XRN2: variants seen among roughly 807,000 people sequenced by gnomAD.
XRN2 encodes the protein 5'-3' exoribonuclease 2, also known as DHM1-like protein.
Under a neutral mutation model 138.5 loss-of-function variants are expected in XRN2, and 44 were observed. The ratio of observed to expected loss-of-function variants is 0.32; its 90% CI spans 0.25 to 0.41. The LOEUF (loss-of-function observed/expected upper bound fraction) is 0.41, where lower values mean the gene tolerates loss of function less well. Ranked by LOEUF, XRN2 falls within the 10% of genes least tolerant of loss-of-function variation. The probability of loss-of-function intolerance (pLI) is 1.00; values close to 1 mark genes in which losing one functional copy is unlikely to be tolerated. For missense variants in XRN2, 937 were observed against 1,169.3 expected, an observed-to-expected ratio of 0.80 and a Z score of 2.90; for synonymous variants, 354 against 369.4, an observed-to-expected ratio of 0.96 and a Z score of 0.48.
intron 29 of XRN2, among the ~76,000 whole-genome samples, chr20:21,388,406 A>C (rs555959278): frequency 5.3e-5 from 8 of 152,334 alleles, no homozygotes; most frequent in South Asian, 2.1e-4. Flanking sequence ...CTTCTTTCTC[A>C]GTCCCTTTGC....
rs1461381028 is a variant in XRN2 at position 21,345,749 on chromosome 20, TTGTG to T, written c.1530-658_1530-655del. Reference sequence around the variant, plus strand: ...AGATTTTACCATAACATACATATGTTTGTGTGTGTGTATGTATACATAGATATAT... The same window carrying T: ...AGATTTTACCATAACATACATATGTTTGTGTGTATGTATACATAGATATAT... On this transcript the variant is annotated intron_variant, in intron 16 of 29. Transcript: ENST00000377191. Among the ~76,000 whole-genome samples the T allele has an allele frequency of 3.3e-5, 5 of 152,088 alleles. No homozygotes were observed. The East Asian group carries it at 7.7e-4, about 23-fold the overall frequency.
intron 1 of XRN2, among the ~76,000 whole-genome samples, chr20:21,324,208 C>T (rs2038089224): frequency 6.6e-6 from 1 of 151,990 alleles, no homozygotes; most frequent in South Asian, 2.1e-4. Context: ...CCTGATCAAG[C>T]CTTTTTTTCT....
intron 26 of XRN2, among the ~76,000 whole-genome samples, chr20:21,368,067 A>G (rs2122317195): frequency 6.6e-6 from 1 of 152,356 alleles, no homozygotes; most frequent in East Asian, 1.9e-4. Context: ...AAGATGAAGA[A>G]AAGATACAGG....
chr20:21,352,851 A>T (rs1005735821), intron 20 of XRN2, among the ~76,000 whole-genome samples: 1 of 152,126 alleles, frequency 6.6e-6, no homozygotes, highest in Non-Finnish European at 1.5e-5. Context: ...TATTACCAGT[A>T]CTTGGGCTCC....
intron 20 of XRN2, among the ~76,000 whole-genome samples, chr20:21,351,445 A>G (rs1360128919): frequency 5.3e-5 from 8 of 152,082 alleles, no homozygotes; most frequent in Admixed American, 5.2e-4. Context: ...AATTGGGTTG[A>G]TTTTGTTGTT....
At chr20:21,329,897 GTA>G (rs2038180979) in intron 4 of XRN2, among the ~76,000 whole-genome samples, 1 of 132,944 alleles carries the variant, frequency 7.5e-6, no homozygotes, top group Non-Finnish European at 1.6e-5. Context: ...GTGTGTGTGT[GTA>G]TTCTCTTACA....
At chr20:21,336,015 A>G (rs1320650915) in intron 13 of XRN2, among the ~76,000 whole-genome samples, 1 of 152,190 alleles carries the variant, frequency 6.6e-6, no homozygotes, top group Non-Finnish European at 1.5e-5. Context: ...TGTCCCTGGC[A>G]TTTGACAGAT....
chr20:21,346,308 C>A, intron 16 of XRN2, 107 bp from the exon 17 acceptor site: 1 of 1,413,246 alleles, frequency 7.1e-7, no homozygotes, highest in Non-Finnish European at 9.7e-7. Context: ...AACTCTTTCA[C>A]ATTTCCCCTG....
chr20:21,308,976 A>T (rs2037841209), intron 1 of XRN2, among the ~76,000 whole-genome samples: 1 of 152,206 alleles, frequency 6.6e-6, no homozygotes, highest in Non-Finnish European at 1.5e-5. Context: ...ATGGTGAATT[A>T]TCGGTCTTTA....
chr20:21,355,240 A>C (rs1419282269), intron 21 of XRN2, among the ~76,000 whole-genome samples: 1 of 152,142 alleles, frequency 6.6e-6, no homozygotes, highest in Admixed American at 6.5e-5. Context: ...CTTTCTCCCC[A>C]GTAATAACTA....
At position 21,354,821 on chromosome 20, in the gene XRN2, A is replaced by C; in HGVS notation, c.1969A>C (p.Arg657=). ...TCTCTTGCCATTCGTGGATGAGCGA[A>C]GGCTACGAGCTGCCCTAGAAGAGGT... is the stretch of plus-strand genomic sequence containing the variant. ...VALLPFVDER[R]LRAALEEVYP... The change falls in exon 21 of 30, where the codon AGG becomes CGG. Residue 657 remains arginine, a synonymous_variant. Coordinates refer to ENST00000377191, the MANE Select transcript of XRN2 (RefSeq NM_012255.5). The C allele has an allele frequency of 1.2e-6, 2 of 1,614,062 alleles. No individual in the cohort carries two copies. Among genetic ancestry groups the C allele is most frequent in the Non-Finnish European group, 1.7e-6 (2 of 1,179,974 alleles).
At chr20:21,375,808 GTTT>G (rs2038813789) in intron 27 of XRN2, among the ~76,000 whole-genome samples, 1 of 147,636 alleles carries the variant, frequency 6.8e-6, no homozygotes, top group South Asian at 2.1e-4. Flanking sequence ...AATACCAGGT[GTTT>G]TTATTTATTT....
At chr20:21,340,561 G>A (rs1433098235) in intron 14 of XRN2, among the ~76,000 whole-genome samples, 160 bp from the exon 15 acceptor site, 1 of 152,208 alleles carries the variant, frequency 6.6e-6, no homozygotes, top group African/African-American at 2.4e-5. Context: ...AAATCAAAGT[G>A]TAGACAACCT....
At chr20:21,377,495 T>C (rs1210805179) in intron 27 of XRN2, among the ~76,000 whole-genome samples, 1 of 151,764 alleles carries the variant, frequency 6.6e-6, no homozygotes, top group Non-Finnish European at 1.5e-5. Flanking sequence ...TGGCCTCAAG[T>C]GATCTGCCTG....
rs114571924 is a variant in XRN2, at chr20:21,332,880, A to G, written c.858+440A>G. On this transcript the variant is annotated intron_variant, in intron 9 of 29. Coordinates refer to ENST00000377191, the MANE Select transcript of XRN2 (RefSeq NM_012255.5). ...GTTATTTGTTTGAAATACTCTTCTTAAAAGGAACTACAACTTCTTAAGACT... is the reference window on the plus strand; with the variant it reads ...GTTATTTGTTTGAAATACTCTTCTTGAAAGGAACTACAACTTCTTAAGACT... 7.6e-3 allele frequency among the ~76,000 whole-genome samples: 1,153 copies of G among 152,260 alleles called. 17 individuals are homozygous for G. Among genetic ancestry groups the G allele is most frequent in the African/African-American group, 0.026 (1,097 of 41,554 alleles).
At chr20:21,325,163 TA>T (rs1312673204) in intron 1 of XRN2, among the ~76,000 whole-genome samples, 2 of 152,254 alleles carry the variant, frequency 1.3e-5, no homozygotes, top group East Asian at 3.8e-4. Context: ...GATGGGCTTT[TA>T]AATTGCTTAC....
At chr20:21,333,501 G>A (rs552154079) in intron 9 of XRN2, 43 bp from the exon 10 acceptor site, 2 of 1,592,194 alleles carry the variant, frequency 1.3e-6, no homozygotes, top group East Asian at 2.3e-5. Context: ...AAAATTACTG[G>A]ACGTAGAGTA....
chr20:21,351,766 G>T (rs1259151377), intron 20 of XRN2, among the ~76,000 whole-genome samples: 2 of 152,006 alleles, frequency 1.3e-5, no homozygotes, highest in Non-Finnish European at 2.9e-5. Flanking sequence ...TTTGTATATG[G>T]TGTAAAGTAA....
chr20:21,327,454 A>G (rs2038143825), intron 3 of XRN2, among the ~76,000 whole-genome samples: 1 of 152,232 alleles, frequency 6.6e-6, no homozygotes, highest in Admixed American at 6.5e-5. Context: ...TTTGAATCCA[A>G]GAAGATTAAC....
Sources: allele counts gnomAD v4.1 joint callset (sites outside exome capture counted in the v4.1 genomes callset), GRCh38; gene constraint gnomAD v4.1.1; transcripts MANE v1.5; gene names NCBI Gene and HGNC (gene_info 2026-07-23, HGNC 2026-07-21).